LRMDA: variants seen among roughly 807,000 people sequenced by gnomAD.
The protein encoded by LRMDA is leucine rich melanocyte differentiation associated.
In LRMDA, 18 loss-of-function variants were observed where a neutral mutation model predicts 29.8. The ratio of observed to expected loss-of-function variants is 0.60; its 90% confidence interval spans 0.42 to 0.90. The LOEUF is 0.90. Ranked by LOEUF, LRMDA falls within the 40% of genes least tolerant of loss-of-function variation. The pLI, the probability that LRMDA is intolerant of heterozygous loss-of-function variation, is 0.00. For synonymous variants in LRMDA, 125 were observed against 109.4 expected, an observed-to-expected ratio of 1.14 and a Z score of -0.89; for missense variants, 273 against 273.9, an observed-to-expected ratio of 1.00 and a Z score of 0.02.
In LRMDA at chr10:75,777,683, G is replaced by A. The variant is rs147112168; in HGVS notation, c.132-258325G>A. Reference sequence around the variant, plus strand: ...GAGTGCTGGCCTTAGCCAGGCTGCCGGGATCTGAATCCTGGTCTTGCCACT... The same window carrying A: ...GAGTGCTGGCCTTAGCCAGGCTGCCAGGATCTGAATCCTGGTCTTGCCACT... On this transcript the variant is annotated intron_variant, in intron 2 of 6. Transcript: ENST00000611255. 5.9e-5 allele frequency among the ~76,000 whole-genome samples: 9 copies of A among 152,292 alleles called. 1 individual carries two copies. Among genetic ancestry groups the A allele is most frequent in the African/African-American group, 1.4e-4 (6 of 41,552 alleles).
At chr10:76,056,900 C>T (rs1368345459) in intron 4 of LRMDA, among the ~76,000 whole-genome samples, 1 of 152,148 alleles carries the variant, frequency 6.6e-6, no homozygotes, top group East Asian at 1.9e-4. Context: ...CCCACCTGTT[C>T]CTGGCTCCTG....
intron 2 of LRMDA, among the ~76,000 whole-genome samples, chr10:75,847,656 G>C (rs892980046): frequency 6.6e-5 from 10 of 152,028 alleles, no homozygotes; most frequent in Admixed American, 3.3e-4. Flanking sequence ...ATAACAAAAA[G>C]ATGACCTCAT....
At chr10:76,324,536 G>A in intron 6 of LRMDA, 51 bp downstream of exon 6, 3 of 1,530,066 alleles carry the variant, frequency 2.0e-6, no homozygotes, top group Non-Finnish European at 2.7e-6. Context: ...AGGGACACTT[G>A]GCTGTGCAGA....
intron 2 of LRMDA, among the ~76,000 whole-genome samples, chr10:75,503,119 G>A (rs1483799504): frequency 3.9e-5 from 6 of 152,128 alleles, no homozygotes; most frequent in Admixed American, 6.6e-5. Context: ...AAGCCAGGCA[G>A]GGACTGCATT....
chr10:75,613,606 T>C (rs1311762984), intron 2 of LRMDA, among the ~76,000 whole-genome samples: 1 of 152,208 alleles, frequency 6.6e-6, no homozygotes, highest in Non-Finnish European at 1.5e-5. Context: ...GTATGGTGTT[T>C]GCAGAGTTCT....
chr10:76,371,296 T>C (rs1841451328), intron 6 of LRMDA, among the ~76,000 whole-genome samples: 1 of 152,212 alleles, frequency 6.6e-6, no homozygotes, highest in African/African-American at 2.4e-5. Flanking sequence ...TTTCTCCTTC[T>C]TGCAGTGGGG....
intron 2 of LRMDA, among the ~76,000 whole-genome samples, chr10:75,578,000 C>T (rs1444459087): frequency 6.6e-6 from 1 of 151,954 alleles, no homozygotes; most frequent in Non-Finnish European, 1.5e-5. Flanking sequence ...AAATAACCAG[C>T]TAGCATCATA....
intron 2 of LRMDA, among the ~76,000 whole-genome samples, chr10:75,943,181 G>T (rs1429926937): frequency 6.9e-6 from 1 of 145,418 alleles, no homozygotes; most frequent in Non-Finnish European, 1.5e-5. Context: ...AAAAAAAAAA[G>T]GACTATGAGA....
rs188745990 is a variant in LRMDA, at chr10:76,275,955, C to T, written c.517-48446C>T. 1.9e-3 allele frequency among the ~76,000 whole-genome samples: 288 copies of T among 152,090 alleles called. 3 individuals are homozygous for T. Among genetic ancestry groups the T allele is most frequent in the African/African-American group, 3.5e-3 (146 of 41,496 alleles). On this transcript the variant is annotated intron_variant, in intron 5 of 6. Transcript: ENST00000611255. Reference sequence around the variant, plus strand: ...ATTTATTTTTATGTATCTTCAAGTTCACTAAATCTCTCCTCCGTTATCTTC... The same window carrying T: ...ATTTATTTTTATGTATCTTCAAGTTTACTAAATCTCTCCTCCGTTATCTTC...
At chr10:76,164,316 C>G (rs1023613784) in intron 5 of LRMDA, among the ~76,000 whole-genome samples, 10 of 152,084 alleles carry the variant, frequency 6.6e-5, no homozygotes, top group African/African-American at 1.7e-4. Context: ...TTTCTCAGTT[C>G]CATCATATTA....
intron 6 of LRMDA, among the ~76,000 whole-genome samples, chr10:76,450,253 C>A (rs1842392990): frequency 6.6e-6 from 1 of 152,048 alleles, no homozygotes; most frequent in Non-Finnish European, 1.5e-5. Flanking sequence ...TTGCTCTGGA[C>A]AAATCGTTTC....
At chr10:76,172,713 G>A (rs1850860750) in intron 5 of LRMDA, among the ~76,000 whole-genome samples, 1 of 152,002 alleles carries the variant, frequency 6.6e-6, no homozygotes, top group African/African-American at 2.4e-5. Context: ...GAATATACAG[G>A]GCATCCAGTA....
intron 5 of LRMDA, among the ~76,000 whole-genome samples, chr10:76,108,563 G>T (rs1269245623): frequency 2.6e-5 from 4 of 152,122 alleles, no homozygotes; most frequent in Non-Finnish European, 4.4e-5. Flanking sequence ...AAATCACCCA[G>T]ATGTTAATCA....
intron 5 of LRMDA, among the ~76,000 whole-genome samples, chr10:76,308,196 T>C (rs1840582541): frequency 6.6e-6 from 1 of 152,180 alleles, no homozygotes; most frequent in Non-Finnish European, 1.5e-5. Context: ...CACCTTCATC[T>C]ACTTGAACAT....
At chr10:75,944,487 A>G (rs1846445194) in intron 2 of LRMDA, among the ~76,000 whole-genome samples, 1 of 151,642 alleles carries the variant, frequency 6.6e-6, no homozygotes, top group Non-Finnish European at 1.5e-5. Context: ...TGATCTTCAT[A>G]TATATTTTTT....
chr10:75,441,950 C>T (rs1844330963), intron 2 of LRMDA, among the ~76,000 whole-genome samples: 1 of 152,166 alleles, frequency 6.6e-6, no homozygotes, highest in South Asian at 2.1e-4. Flanking sequence ...CTAATACAGG[C>T]ACATGGCACA....
At chr10:76,043,809 C>T (rs905335798) in intron 3 of LRMDA, among the ~76,000 whole-genome samples, 3 of 152,184 alleles carry the variant, frequency 2.0e-5, no homozygotes, top group Non-Finnish European at 2.9e-5. Context: ...CCAATATTTC[C>T]TCAACTTAAA....
chr10:75,521,057 C>A lies in LRMDA; in HGVS notation c.131+82563C>A, dbSNP rs529929160. ...TATTGCAGAACAGCAAATATTGCTG[C>A]CTGATCCTTCCTCTGGAAGCTTCGT... On this transcript the variant is annotated intron_variant, in intron 2 of 6. Coordinates refer to ENST00000611255, the MANE Select transcript of LRMDA (RefSeq NM_001305581.2). Among the ~76,000 whole-genome samples, 3 of 152,310 alleles carry A rather than the reference C, an allele frequency of 2.0e-5. No individual in the cohort carries two copies. The South Asian group carries it at 6.2e-4, about 32-fold the overall frequency.
chr10:76,364,398 G>A (rs7922806), intron 6 of LRMDA, among the ~76,000 whole-genome samples: 135,828 of 152,184 alleles, frequency 0.89, 61,296 homozygotes, highest in Non-Finnish European at 0.96. Flanking sequence ...AAAACTATAT[G>A]GACGTTAGGG....
Sources: allele counts gnomAD v4.1 joint callset (sites outside exome capture counted in the v4.1 genomes callset), GRCh38; gene constraint gnomAD v4.1.1; transcripts MANE v1.5; gene names NCBI Gene and HGNC (gene_info 2026-07-23, HGNC 2026-07-21).